The following DNAH11 variants were observed in gnomAD, a reference collection of about 807,000 sequenced individuals.
The protein encoded by DNAH11 is axonemal beta dynein heavy chain 11.
A neutral mutation model predicts 526.0 loss-of-function variants in DNAH11; 442 were observed. That is an observed-to-expected ratio of 0.84 (90% CI 0.78 to 0.91). DNAH11 has a LOEUF of 0.91. Ranked by LOEUF, DNAH11 falls within the 40% of genes least tolerant of loss-of-function variation. The probability of loss-of-function intolerance (pLI) is 0.00; values close to 1 mark genes in which losing one functional copy is unlikely to be tolerated. For synonymous variants in DNAH11, 2,461 were observed against 1,935.9 expected, an observed-to-expected ratio of 1.27 and a Z score of -7.12; for missense variants, 6,989 against 5,448.7, an observed-to-expected ratio of 1.28 and a Z score of -8.90.
At chr7:21,641,029 C>A (rs1787104781) in intron 28 of DNAH11, among the ~76,000 whole-genome samples, 1 of 152,140 alleles carries the variant, frequency 6.6e-6, no homozygotes, top group Non-Finnish European at 1.5e-5. Flanking sequence ...GTCCTCTGGA[C>A]AAAGGGAACC....
chr7:21,628,462 C>A (rs891364256), intron 25 of DNAH11, among the ~76,000 whole-genome samples: 3 of 152,038 alleles, frequency 2.0e-5, no homozygotes, highest in African/African-American at 7.2e-5. Flanking sequence ...GAGATATGTT[C>A]CTTCTGTGCC....
At chr7:21,743,650 C>T (rs954358514) in intron 49 of DNAH11, among the ~76,000 whole-genome samples, 2 of 152,178 alleles carry the variant, frequency 1.3e-5, no homozygotes, top group South Asian at 2.1e-4. Context: ...CAATTCTTTT[C>T]GTGTCTGTGT....
intron 25 of DNAH11, among the ~76,000 whole-genome samples, chr7:21,631,740 C>T (rs1394010155): frequency 6.6e-6 from 1 of 152,174 alleles, no homozygotes; most frequent in African/African-American, 2.4e-5. Context: ...GTACAGTCTC[C>T]CTCCCGGCTG....
intron 81 of DNAH11, chr7:21,900,794 C>G (rs532369265): frequency 3.6e-6 from 2 of 561,082 alleles, no homozygotes; most frequent in African/African-American, 1.9e-5. Context: ...GAAAGTTTAA[C>G]CACTACGCAT....
At position 21,833,808 on chromosome 7, in the gene DNAH11, A is replaced by G. The variant is rs188827879; in HGVS notation, c.10692-8736A>G. On this transcript the variant is annotated intron_variant, in intron 65 of 81. Transcript: ENST00000409508. ...GATGCAAATGAGTATAAATGTTGGT[A>G]TCTCTTATGTGTGAGAACCCTAGGC... is the stretch of plus-strand genomic sequence containing the variant. Among the ~76,000 whole-genome samples, 219 of 152,326 alleles carry G rather than the reference A, an allele frequency of 1.4e-3. 1 individual carries two copies. The highest frequency in any genetic ancestry group is 5.1e-3 in the African/African-American group (211 of 41,578).
At chr7:21,802,781 A>G (rs1789052339) in intron 62 of DNAH11, among the ~76,000 whole-genome samples, 1 of 152,000 alleles carries the variant, frequency 6.6e-6, no homozygotes, top group Non-Finnish European at 1.5e-5. Context: ...TGAAATGTCC[A>G]GAACAGGATA....
At chr7:21,773,332 A>T (rs1283246293) in intron 55 of DNAH11, among the ~76,000 whole-genome samples, 1 of 146,986 alleles carries the variant, frequency 6.8e-6, no homozygotes, top group East Asian at 2.0e-4. Context: ...GTGAGTTTCT[A>T]AGTTTTGGCT....
chr7:21,771,365 A>C (rs1787426821), intron 55 of DNAH11, among the ~76,000 whole-genome samples: 1 of 152,146 alleles, frequency 6.6e-6, no homozygotes, highest in Non-Finnish European at 1.5e-5. Context: ...TGTCATTTTC[A>C]AGAGGAATAT....
chr7:21,873,439 A>G lies in DNAH11; in HGVS notation c.12133A>G (p.Thr4045Ala). The stretch of plus-strand genomic sequence containing the variant: ...ACTCCTGGAAAATTCCATTAAGATC[A>G]CTAATGAACCCCCAACAGGGATGCT... ...QGLLENSIKI[T>A]NEPPTGMLAN... The change falls in exon 74 of 82, where the codon ACT becomes GCT. Residue 4045 changes from threonine to alanine, a missense_variant. Coordinates refer to ENST00000409508, the MANE Select transcript of DNAH11 (RefSeq NM_001277115.2). 2 of 1,613,994 alleles carry G rather than the reference A, an allele frequency of 1.2e-6. No individual in the cohort carries two copies. The highest frequency in any genetic ancestry group is 1.7e-6 in the Non-Finnish European group (2 of 1,179,872).
At chr7:21,863,945 A>G (rs1039079358) in intron 69 of DNAH11, among the ~76,000 whole-genome samples, 10 of 152,220 alleles carry the variant, frequency 6.6e-5, no homozygotes, top group Non-Finnish European at 1.2e-4. Flanking sequence ...GAAATTAGGA[A>G]TACTTCATTT....
rs6975974 is a variant in DNAH11, at chr7:21,721,146, G to A, written c.7266+290G>A. 0.013 allele frequency among the ~76,000 whole-genome samples: 2,031 copies of A among 152,224 alleles called. 42 individuals carry two copies. The highest frequency in any genetic ancestry group is 0.047 in the African/African-American group (1,944 of 41,540). ...CCTTCAGCATGCTGTTCTACAAGAA[G>A]CCCCACTCAGTGTGCCTGAGACAGA... On this transcript the variant is annotated intron_variant, in intron 44 of 81. Transcript: ENST00000409508.
intron 30 of DNAH11, among the ~76,000 whole-genome samples, chr7:21,674,625 T>C (rs1481685235): frequency 3.9e-5 from 6 of 152,130 alleles, no homozygotes; most frequent in South Asian, 2.1e-4. Context: ...TGCCACGATC[T>C]TTCTTTTTCC....
intron 68 of DNAH11, among the ~76,000 whole-genome samples, chr7:21,856,706 T>G (rs912456840): frequency 6.6e-5 from 10 of 151,930 alleles, no homozygotes; most frequent in African/African-American, 2.4e-4. Context: ...AATTAATCAG[T>G]TAACAGAATA....
chr7:21,835,840 G>C (rs1781973864), intron 65 of DNAH11, among the ~76,000 whole-genome samples: 1 of 144,952 alleles, frequency 6.9e-6, no homozygotes, highest in Non-Finnish European at 1.5e-5. Context: ...TGACATGATT[G>C]TATATATAGA....
chr7:21,650,339 A>G (rs1787569583), intron 28 of DNAH11, among the ~76,000 whole-genome samples: 1 of 152,172 alleles, frequency 6.6e-6, no homozygotes, highest in African/African-American at 2.4e-5. Flanking sequence ...TTTGACAAAT[A>G]TAGAAATACA....
chr7:21,807,211 A>G (rs1033059291), intron 62 of DNAH11, among the ~76,000 whole-genome samples: 2 of 152,196 alleles, frequency 1.3e-5, no homozygotes, highest in East Asian at 3.8e-4. Flanking sequence ...AAAAATCCTG[A>G]CATCAGGCCA....
At chr7:21,646,139 A>C (rs934306692) in intron 28 of DNAH11, among the ~76,000 whole-genome samples, 1 of 152,190 alleles carries the variant, frequency 6.6e-6, no homozygotes, top group Non-Finnish European at 1.5e-5. Context: ...TTAGTTCACA[A>C]AAAAAAGATG....
intron 54 of DNAH11, among the ~76,000 whole-genome samples, chr7:21,753,753 T>C (rs1473715766): frequency 1.3e-5 from 2 of 152,200 alleles, no homozygotes; most frequent in Admixed American, 1.3e-4. Context: ...CATTTCCAAT[T>C]GCTCTTTCTT....
intron 25 of DNAH11, among the ~76,000 whole-genome samples, chr7:21,631,101 C>G (rs191456740): frequency 9.5e-4 from 144 of 152,300 alleles, no homozygotes; most frequent in Admixed American, 2.6e-3. Context: ...AAAGGCTTGT[C>G]TCACATGGCA....
Sources: gnomAD v4.1 joint callset for allele counts (sites outside exome capture counted in the v4.1 genomes callset) on GRCh38, gnomAD v4.1.1 for gene constraint, MANE v1.5 for transcripts, NCBI Gene and HGNC (gene_info 2026-07-23, HGNC 2026-07-21) for gene names.